The following MITF variants were observed in gnomAD, a reference collection of about 807,000 sequenced individuals.
MITF encodes the protein melanocyte inducing transcription factor.
Under a neutral mutation model 60.5 loss-of-function variants are expected in MITF, and 17 were observed. The ratio of observed to expected loss-of-function variants is 0.28; its 90% CI spans 0.19 to 0.42. MITF has a LOEUF of 0.42. MITF is among the 10% of genes least tolerant of loss of function. The probability of loss-of-function intolerance (pLI) is 1.00; values close to 1 mark genes in which losing one functional copy is unlikely to be tolerated. For missense variants in MITF, 622 were observed against 683.5 expected, an observed-to-expected ratio of 0.91 and a Z score of 1.00; for synonymous variants, 260 against 248.5, an observed-to-expected ratio of 1.05 and a Z score of -0.43.
At chr3:69,868,430 CTAAATGAA>C (rs2064157400) in intron 1 of MITF, among the ~76,000 whole-genome samples, 3 of 152,118 alleles carry the variant, frequency 2.0e-5, no homozygotes, top group Non-Finnish European at 2.9e-5. Context: ...ACTTAAGATA[CTAAATGAA>C]TCAATATTTC....
At chr3:69,822,739 C>T (rs1332808277) in intron 1 of MITF, among the ~76,000 whole-genome samples, 2 of 152,146 alleles carry the variant, frequency 1.3e-5, no homozygotes, top group Non-Finnish European at 2.9e-5. Flanking sequence ...TTCACCCACC[C>T]ACATACAAAC....
At chr3:69,827,034 TCTC>T (rs1292309026) in intron 1 of MITF, among the ~76,000 whole-genome samples, 1 of 152,168 alleles carries the variant, frequency 6.6e-6, no homozygotes, top group Admixed American at 6.5e-5. Context: ...TGAGTTTTCT[TCTC>T]AGTTTTTGCT....
chr3:69,900,603 T>C (rs2107348501), intron 2 of MITF, among the ~76,000 whole-genome samples: 1 of 152,236 alleles, frequency 6.6e-6, no homozygotes, highest in South Asian at 2.1e-4. Flanking sequence ...TAGAACAGGG[T>C]AAAAAGGGGG....
chr3:69,827,929 C>T (rs1559655815), intron 1 of MITF, among the ~76,000 whole-genome samples: 1 of 152,112 alleles, frequency 6.6e-6, no homozygotes, highest in Admixed American at 6.5e-5. Flanking sequence ...TTCCATAATT[C>T]AATAAATAGT....
chr3:69,865,472 T>C (rs1390510909), intron 1 of MITF, among the ~76,000 whole-genome samples: 1 of 152,220 alleles, frequency 6.6e-6, no homozygotes, highest in African/African-American at 2.4e-5. Flanking sequence ...TGTTGTCATG[T>C]CTGCATTTTA....
chr3:69,884,688 A>G (rs549528861), intron 2 of MITF, among the ~76,000 whole-genome samples: 1 of 152,320 alleles, frequency 6.6e-6, no homozygotes, highest in African/African-American at 2.4e-5. Flanking sequence ...CAAACTTAAC[A>G]CAGGCTCAGT....
chr3:69,854,541 T>A (rs2163327), intron 1 of MITF, among the ~76,000 whole-genome samples: 74,683 of 151,998 alleles, frequency 0.49, 20,072 homozygotes, highest in Non-Finnish European at 0.63. Context: ...TTGTTTTTAT[T>A]TGTTTGCTTT....
At chr3:69,819,228 C>A (rs954078978) in intron 1 of MITF, among the ~76,000 whole-genome samples, 6 of 152,160 alleles carry the variant, frequency 3.9e-5, no homozygotes, top group African/African-American at 7.2e-5. Context: ...CCTTCTTCCT[C>A]AAAGGCCCAT....
At chr3:69,944,282 G>A (rs1226200360) in intron 5 of MITF, among the ~76,000 whole-genome samples, 3 of 152,136 alleles carry the variant, frequency 2.0e-5, no homozygotes, top group African/African-American at 4.8e-5. Flanking sequence ...ATGCGAAGGT[G>A]ACTAAGGTGT....
chr3:69,802,768 T>C (rs11918650), intron 1 of MITF, among the ~76,000 whole-genome samples: 74,373 of 146,698 alleles, frequency 0.51, 20,310 homozygotes, highest in Non-Finnish European at 0.63. Context: ...CTCGGCTTAC[T>C]GCAATCTCCG....
intron 1 of MITF, among the ~76,000 whole-genome samples, chr3:69,852,607 G>T (rs996786813): frequency 1.3e-5 from 2 of 152,266 alleles, no homozygotes; most frequent in South Asian, 4.1e-4. Flanking sequence ...TATGAGCAGT[G>T]TTGCAATGAA....
Position 69,949,094 on chromosome 3 carries a change from G to A in MITF, c.806G>A (p.Gly269Asp). ...GNLIDLYGNQ[G>D]LPPPGLTISN... is the part of the protein sequence containing the mutation. ...TTGATTGATCTTTATGGAAACCAAG[G>A]TCTGCCCCCACCAGGCCTCACCATC... is the stretch of plus-strand genomic sequence containing the variant. The change falls in exon 6 of 10, where the codon GGT (glycine) becomes GAT (aspartate). Residue 269 changes from glycine (G) to aspartate (D), a missense_variant. By Grantham distance (94) the Gly-to-Asp change is moderately conservative. Transcript: ENST00000352241. 6.2e-7 allele frequency: 1 copy of A among 1,613,568 alleles called. No individual in the cohort carries two copies. Among genetic ancestry groups the A allele is most frequent in the Non-Finnish European group, 8.5e-7 (1 of 1,179,822 alleles).
At chr3:69,801,722 G>A (rs544633197) in intron 1 of MITF, among the ~76,000 whole-genome samples, 7 of 152,308 alleles carry the variant, frequency 4.6e-5, no homozygotes, top group African/African-American at 1.7e-4. Context: ...AAAAATGTTT[G>A]AAGGAGACAA....
rs1166079670 is a variant in MITF, at chr3:69,968,160, G to C, written c.*2912G>C. ...TATTTCTTGATAAAAAATGACAAAT[G>C]ACTGTCTCTTGCGGATGCTTGGTAC... On this transcript the variant is annotated 3_prime_UTR_variant, in exon 10 of 10. Transcript: ENST00000352241. The C allele has an allele frequency of 4.3e-6, 1 of 233,028 alleles. No homozygotes were observed. Among genetic ancestry groups the C allele is most frequent in the Non-Finnish European group, 8.5e-6 (1 of 117,744 alleles). The allele number at this position is 233,028 out of a possible 1,614,324, so 14.4% of individuals were successfully genotyped here.
chr3:69,934,000 G>C (rs2065778709), intron 2 of MITF, among the ~76,000 whole-genome samples: 1 of 152,122 alleles, frequency 6.6e-6, no homozygotes, highest in Non-Finnish European at 1.5e-5. Context: ...AGTTTGGACA[G>C]GGTTAGTATC....
chr3:69,885,155 G>C (rs981764885), intron 2 of MITF, among the ~76,000 whole-genome samples: 1 of 152,136 alleles, frequency 6.6e-6, no homozygotes, highest in Non-Finnish European at 1.5e-5. Flanking sequence ...CTAGTAGCTA[G>C]TAATGAAATG....
intron 1 of MITF, among the ~76,000 whole-genome samples, chr3:69,814,991 A>G (rs188925251): frequency 3.9e-5 from 6 of 152,272 alleles, no homozygotes; most frequent in African/African-American, 1.4e-4. Context: ...CACTGTAAGG[A>G]TAAACTTTTC....
intron 1 of MITF, among the ~76,000 whole-genome samples, chr3:69,827,260 T>C (rs2063370618): frequency 6.6e-6 from 1 of 152,168 alleles, no homozygotes; most frequent in East Asian, 1.9e-4. Flanking sequence ...TGCAGGCTTT[T>C]CTCCTAAAGA....
chr3:69,936,104 A>T (rs1033498108), intron 2 of MITF, among the ~76,000 whole-genome samples: 2 of 152,196 alleles, frequency 1.3e-5, no homozygotes, highest in Admixed American at 6.6e-5. Context: ...GTAGCTAAGA[A>T]TAAGGTGCAT....
Sources: allele counts gnomAD v4.1 joint callset (sites outside exome capture counted in the v4.1 genomes callset), GRCh38; gene constraint gnomAD v4.1.1; transcripts MANE v1.5; gene names NCBI Gene and HGNC (gene_info 2026-07-23, HGNC 2026-07-21).